The following GHR variants were observed in gnomAD, a reference collection of about 807,000 sequenced individuals.
The protein encoded by GHR is growth hormone receptor.
Under a neutral mutation model 67.1 loss-of-function variants are expected in GHR, and 35 were observed. That is an observed-to-expected ratio of 0.52 (90% CI 0.40 to 0.69). GHR has a LOEUF of 0.69. GHR is among the 30% of genes least tolerant of loss of function. The pLI is 0.00. For missense variants in GHR, 792 were observed against 764.6 expected (o/e 1.04, Z -0.42); for synonymous variants, 272 against 269.1 (o/e 1.01, Z -0.10).
intron 1 of GHR, among the ~76,000 whole-genome samples, chr5:42,426,230 C>T (rs965767907): frequency 1.3e-5 from 2 of 152,150 alleles, no homozygotes; most frequent in African/African-American, 2.4e-5. Context: ...ACAGTTGCAG[C>T]GTGCTTCTTC....
intron 3 of GHR, among the ~76,000 whole-genome samples, chr5:42,671,754 A>G (rs1272071480): frequency 6.6e-6 from 1 of 151,918 alleles, no homozygotes; most frequent in Non-Finnish European, 1.5e-5. Context: ...CAGGAGATCG[A>G]GACCATCCCG....
At chr5:42,483,177 G>A (rs1001669155) in intron 1 of GHR, among the ~76,000 whole-genome samples, 7 of 152,128 alleles carry the variant, frequency 4.6e-5, no homozygotes, top group African/African-American at 1.4e-4. Context: ...CAAGGGATTC[G>A]AGTAGCTAGG....
rs536346578 is a variant in GHR at position 42,541,847 on chromosome 5, G to T, written c.-11-24017G>T. Among the ~76,000 whole-genome samples, 19 of 152,192 alleles carry T rather than the reference G, an allele frequency of 1.2e-4. No homozygotes were observed. The East Asian group carries it at 1.9e-3, about 15-fold the overall frequency. ...GGCCTGAGAATCTGGAAAGATGAAG[G>T]TGATATTTACTGAAATGGCCTACAC... On this transcript the variant is annotated intron_variant, in intron 1 of 9. Coordinates refer to ENST00000230882, the MANE Select transcript of GHR (RefSeq NM_000163.5).
At chr5:42,488,984 A>G (rs897299816) in intron 1 of GHR, among the ~76,000 whole-genome samples, 1 of 152,224 alleles carries the variant, frequency 6.6e-6, no homozygotes, top group Non-Finnish European at 1.5e-5. Flanking sequence ...CACGTCTGTC[A>G]ACACAGTTAA....
At chr5:42,680,270 T>G (rs1756792368) in intron 3 of GHR, among the ~76,000 whole-genome samples, 1 of 152,186 alleles carries the variant, frequency 6.6e-6, no homozygotes, top group Admixed American at 6.5e-5. Flanking sequence ...ATTTCCTCAC[T>G]TTGGCTTATG....
At chr5:42,493,152 G>A (rs1404767924) in intron 1 of GHR, among the ~76,000 whole-genome samples, 1 of 152,184 alleles carries the variant, frequency 6.6e-6, no homozygotes, top group Non-Finnish European at 1.5e-5. Context: ...TCTGGTTTCA[G>A]TGATTCTGTA....
At chr5:42,541,195 G>A (rs1418355846) in intron 1 of GHR, among the ~76,000 whole-genome samples, 1 of 152,100 alleles carries the variant, frequency 6.6e-6, no homozygotes, top group East Asian at 1.9e-4. Flanking sequence ...TTAGAGAACA[G>A]AGATGATAAA....
intron 2 of GHR, among the ~76,000 whole-genome samples, chr5:42,567,785 G>A (rs1750031158): frequency 6.6e-6 from 1 of 150,476 alleles, no homozygotes. Flanking sequence ...GTGTGTGTGT[G>A]TGTGTGTGTG....
chr5:42,535,114 A>G (rs772022594), intron 1 of GHR, among the ~76,000 whole-genome samples: 2 of 151,978 alleles, frequency 1.3e-5, no homozygotes, highest in African/African-American at 2.4e-5. Context: ...TGGGTTGCCC[A>G]TTTACTCTGC....
intron 1 of GHR, among the ~76,000 whole-genome samples, chr5:42,505,779 G>C (rs994764954): frequency 3.3e-5 from 5 of 152,178 alleles, no homozygotes; most frequent in Non-Finnish European, 7.3e-5. Flanking sequence ...TATAATGCGT[G>C]CTCATAGTAA....
chr5:42,720,924 GT>G lies in GHR; in HGVS notation c.*1502del, dbSNP rs1554041546. ...AATATCCTAAACATCATTCATTTTT[GT>G]TGTTGTTGTTGTTGTTGAGACAGAG... On this transcript the variant is annotated 3_prime_UTR_variant, in exon 10 of 10. Coordinates refer to ENST00000230882, the MANE Select transcript of GHR (RefSeq NM_000163.5). 1.5e-4 allele frequency: 2 copies of G among 12,996 alleles called. No individual in the cohort carries two copies. The highest frequency in any genetic ancestry group is 0.056 in the East Asian group (2 of 36). 0.8% of individuals were successfully genotyped at this position (12,996 alleles called of 1,614,324 possible).
chr5:42,435,688 C>T (rs1269995369), intron 1 of GHR, among the ~76,000 whole-genome samples: 1 of 152,186 alleles, frequency 6.6e-6, no homozygotes, highest in Non-Finnish European at 1.5e-5. Context: ...CAGACTTCAT[C>T]CTAATTCCCC....
chr5:42,643,321 T>C (rs1379951332), intron 3 of GHR, among the ~76,000 whole-genome samples: 1 of 152,132 alleles, frequency 6.6e-6, no homozygotes, highest in African/African-American at 2.4e-5. Flanking sequence ...ATTATAAATG[T>C]CCAAGAGAAA....
At chr5:42,509,998 C>T (rs994356031) in intron 1 of GHR, among the ~76,000 whole-genome samples, 1 of 152,182 alleles carries the variant, frequency 6.6e-6, no homozygotes, top group Non-Finnish European at 1.5e-5. Context: ...ACCTAGCTGG[C>T]ATTTCCACTT....
At position 42,689,109 on chromosome 5, in the gene GHR, TTTG is replaced by T. The variant is rs34417102; in HGVS notation, c.266+95_266+97del. ...AGATGTACTGTGGGAATGGAAGTGA[TTTG>T]TTGTGATTTATGCAATCAATGAATA... On this transcript the variant is annotated intron_variant, in intron 4 of 9. Transcript: ENST00000230882. 6.0e-5 allele frequency: 67 copies of T among 1,109,242 alleles called. No homozygotes were observed. The East Asian group carries it at 1.5e-3, about 24-fold the overall frequency. The allele number at this position is 1,109,242 out of a possible 1,614,324, so 68.7% of individuals were successfully genotyped here.
intron 1 of GHR, among the ~76,000 whole-genome samples, chr5:42,444,724 A>G (rs1743733028): frequency 6.6e-6 from 1 of 152,024 alleles, no homozygotes; most frequent in African/African-American, 2.4e-5. Context: ...TGTTCATGTT[A>G]TTCCCTCTAA....
intron 2 of GHR, among the ~76,000 whole-genome samples, chr5:42,576,064 TAAAATAAAATAAA>T (rs1750664476): frequency 1.5e-5 from 1 of 66,244 alleles, no homozygotes; most frequent in African/African-American, 8.7e-5. Context: ...TAAAATAAAA[TAAAATAAAATAAA>T]ATAAAATAAA....
intron 3 of GHR, among the ~76,000 whole-genome samples, chr5:42,681,842 A>G (rs1241744591): frequency 1.4e-5 from 2 of 146,072 alleles, no homozygotes; most frequent in Non-Finnish European, 3.0e-5. Flanking sequence ...AGGCTGAGGC[A>G]GGAGAATGGC....
intron 3 of GHR, among the ~76,000 whole-genome samples, chr5:42,663,991 C>A (rs977682045): frequency 2.5e-4 from 38 of 152,134 alleles, no homozygotes; most frequent in Admixed American, 2.2e-3. Flanking sequence ...CTCCCATTCA[C>A]AATTGCTTCA....
Sources: gnomAD v4.1 joint callset for allele counts (sites outside exome capture counted in the v4.1 genomes callset) on GRCh38, gnomAD v4.1.1 for gene constraint, MANE v1.5 for transcripts, NCBI Gene and HGNC (gene_info 2026-07-23, HGNC 2026-07-21) for gene names.